The following KLHL25 variants were observed in gnomAD, a reference collection of about 807,000 sequenced individuals.
The protein encoded by KLHL25 is kelch like family member 25, also known as kelch-like protein 25.
A neutral mutation model predicts 30.0 loss-of-function variants in KLHL25; 41 were observed. That is an observed-to-expected ratio of 1.37 (90% CI 1.07 to 1.78). The LOEUF (loss-of-function observed/expected upper bound fraction) is 1.78. Ranked by LOEUF, KLHL25 falls within the 40% of genes most tolerant of loss-of-function variation. KLHL25 has a pLI of 0.00. For missense variants in KLHL25, 971 were observed against 824.5 expected (o/e 1.18, Z -2.18); for synonymous variants, 399 against 355.3 (o/e 1.12, Z -1.38).
chr15:85,768,154 T>TA lies in KLHL25; in HGVS notation c.1656dup (p.Lys553Ter). 1 of 1,614,192 alleles carries TA rather than the reference T, an allele frequency of 6.2e-7. No individual in the cohort carries two copies. Among genetic ancestry groups the TA allele is most frequent in the Non-Finnish European group, 8.5e-7 (1 of 1,180,032 alleles). On this transcript the variant is annotated frameshift_variant, in exon 2 of 3. Coordinates refer to ENST00000337975, the MANE Select transcript of KLHL25 (RefSeq NM_022480.4). LOFTEE classifies it low-confidence loss of function (END_TRUNC). ...GTGGGGTCATAGCAGTCCAGAGTCT[T>TA]ACACCTCTGGGTCCCAAAGTAGCCC...
At chr15:85,775,421 C>T (rs572755312) in intron 1 of KLHL25, among the ~76,000 whole-genome samples, 1 of 152,206 alleles carries the variant, frequency 6.6e-6, no homozygotes, top group East Asian at 1.9e-4. Context: ...CAGGAGCTGA[C>T]GCTGACAGAA....
intron 1 of KLHL25, among the ~76,000 whole-genome samples, chr15:85,773,490 C>T (rs2089690234): frequency 6.6e-6 from 1 of 152,230 alleles, no homozygotes; most frequent in Admixed American, 6.5e-5. Context: ...TCTCTGGGAA[C>T]CACCTGCCTC....
chr15:85,783,775 A>C (rs771137131), intron 1 of KLHL25, among the ~76,000 whole-genome samples: 3 of 152,170 alleles, frequency 2.0e-5, no homozygotes, highest in Non-Finnish European at 2.9e-5. Flanking sequence ...TGTTCCATAA[A>C]TCATACAAAG....
intron 1 of KLHL25, among the ~76,000 whole-genome samples, chr15:85,775,863 T>C (rs2089705606): frequency 9.9e-6 from 1 of 100,628 alleles, no homozygotes; most frequent in East Asian, 2.8e-4. Flanking sequence ...AATGGCTCGT[T>C]TAAAAAAAAA....
At chr15:85,777,885 G>C (rs527329818) in intron 1 of KLHL25, among the ~76,000 whole-genome samples, 2 of 152,182 alleles carry the variant, frequency 1.3e-5, no homozygotes, top group African/African-American at 4.8e-5. Flanking sequence ...GCCAGGAAGG[G>C]AGCCAAATCA....
chr15:85,791,218 A>T (rs2089814677), intron 1 of KLHL25, among the ~76,000 whole-genome samples: 1 of 141,292 alleles, frequency 7.1e-6, no homozygotes, highest in Non-Finnish European at 1.6e-5. Context: ...GAAAAATGCC[A>T]GGCACAGTGG....
chr15:85,767,234 C>T (rs781038637), intron 2 of KLHL25, among the ~76,000 whole-genome samples: 3 of 152,116 alleles, frequency 2.0e-5, no homozygotes, highest in Non-Finnish European at 4.4e-5. Context: ...CATGATCTGC[C>T]CACCTCGGCC....
chr15:85,787,916 G>T (rs2089790968), intron 1 of KLHL25, among the ~76,000 whole-genome samples: 1 of 152,094 alleles, frequency 6.6e-6, no homozygotes, highest in Admixed American at 6.5e-5. Flanking sequence ...GGAAATCCTA[G>T]CTGGGCGTGG....
At position 85,769,805 on chromosome 15, in the gene KLHL25, C is replaced by T. The variant is rs1166968094; in HGVS notation, c.6G>A (p.Ser2=). ...ACTTGCGGGTCTCATGGACACTGAC[C>T]GACATGGTGCGTCAGCTTGTGGGGG... M[S]VSVHETRKSR... is the part of the protein sequence containing the mutation. Residue 2 remains serine, a synonymous_variant, in exon 2 of 3, where the codon TCG becomes TCA. Coordinates refer to ENST00000337975, the MANE Select transcript of KLHL25 (RefSeq NM_022480.4). The T allele has an allele frequency of 5.0e-6, 8 of 1,604,354 alleles. No individual in the cohort carries two copies. Among genetic ancestry groups the T allele is most frequent in the East Asian group, 4.5e-5 (2 of 44,756 alleles).
chr15:85,793,959 G>A lies in KLHL25; in HGVS notation c.-11+807C>T, dbSNP rs139966216. Reference sequence around the variant, plus strand: ...AAGACAATGGGAATGCACTTTGGGGGCTTAGAGCAGCAACACAAAAAAAGT... The same window carrying A: ...AAGACAATGGGAATGCACTTTGGGGACTTAGAGCAGCAACACAAAAAAAGT... On this transcript the variant is annotated intron_variant, in intron 1 of 2. Transcript: ENST00000337975. 1.8e-4 allele frequency among the ~76,000 whole-genome samples: 28 copies of A among 152,310 alleles called. 1 individual carries two copies. The East Asian group carries it at 5.4e-3, about 29-fold the overall frequency.
intron 1 of KLHL25, among the ~76,000 whole-genome samples, chr15:85,785,564 C>CTT (rs66853549): frequency 1.4e-5 from 2 of 147,404 alleles, no homozygotes; most frequent in African/African-American, 5.0e-5. Context: ...CAGCAAAGTC[C>CTT]TTTTTTTTTT....
intron 1 of KLHL25, among the ~76,000 whole-genome samples, chr15:85,785,960 A>ACCCCCCCCCCC (rs1555470903): frequency 2.4e-5 from 2 of 82,652 alleles, no homozygotes; most frequent in Non-Finnish European, 5.0e-5. Flanking sequence ...AAGGCAGCCG[A>ACCCCCCCCCCC]CCCACCCCCC....
intron 1 of KLHL25, among the ~76,000 whole-genome samples, chr15:85,787,108 C>A (rs1050648898): frequency 7.2e-6 from 1 of 139,040 alleles, no homozygotes; most frequent in African/African-American, 2.6e-5. Context: ...TCCACCCGCC[C>A]CCCCACCCCA....
intron 2 of KLHL25, among the ~76,000 whole-genome samples, chr15:85,767,676 G>A (rs946131883): frequency 6.6e-6 from 1 of 152,224 alleles, no homozygotes; most frequent in Admixed American, 6.5e-5. Context: ...GCAGGCTTGT[G>A]TGGAGACTGC....
chr15:85,771,303 T>C (rs1324931825), intron 1 of KLHL25: 4 of 152,042 alleles, frequency 2.6e-5, no homozygotes, highest in African/African-American at 9.7e-5. Context: ...TTCCTGCTGG[T>C]AATGGGGCCA....
intron 1 of KLHL25, chr15:85,770,424 C>T: frequency 2.0e-6 from 1 of 505,656 alleles, no homozygotes; most frequent in Non-Finnish European, 4.1e-6. Flanking sequence ...CACTTCCCTG[C>T]TCCCAGCAGG....
At chr15:85,780,568 A>C (rs2089736834) in intron 1 of KLHL25, among the ~76,000 whole-genome samples, 1 of 152,216 alleles carries the variant, frequency 6.6e-6, no homozygotes, top group Admixed American at 6.5e-5. Flanking sequence ...GTCTTGGAGG[A>C]ACACAAACAT....
chr15:85,769,312 A>G lies in KLHL25; in HGVS notation c.499T>C (p.Phe167Leu), dbSNP rs1411560239. 1.7e-5 allele frequency: 27 copies of G among 1,613,962 alleles called. No individual in the cohort carries two copies. Among genetic ancestry groups the G allele is most frequent in the Non-Finnish European group, 2.3e-5 (27 of 1,180,010 alleles). ...DAHQCRRLYE[F>L]SWRMCLVHFE... ...TGCACCAGGCACATGCGCCAGGAGAACTCATACAGCCGGCGGCACTGGTGG... is the reference window on the plus strand; with the variant it reads ...TGCACCAGGCACATGCGCCAGGAGAGCTCATACAGCCGGCGGCACTGGTGG... Residue 167 changes from phenylalanine to leucine, a missense_variant, in exon 2 of 3, where the codon TTC (phenylalanine) becomes CTC (leucine). By Grantham distance (22) the Phe-to-Leu change is conservative. Transcript: ENST00000337975.
chr15:85,794,053 G>A (rs1487583285), intron 1 of KLHL25, among the ~76,000 whole-genome samples: 11 of 152,216 alleles, frequency 7.2e-5, no homozygotes, highest in African/African-American at 2.7e-4. Flanking sequence ...GAGACAGGGG[G>A]AGTGGGGGCG....
Sources: allele counts gnomAD v4.1 joint callset (sites outside exome capture counted in the v4.1 genomes callset), GRCh38; gene constraint gnomAD v4.1.1; transcripts MANE v1.5; gene names NCBI Gene and HGNC (gene_info 2026-07-23, HGNC 2026-07-21).